The following ANO7 variants were observed in gnomAD, a reference collection of about 807,000 sequenced individuals.
ANO7 encodes anoctamin 7.
ANO7 carries 114 observed loss-of-function variants against 115.8 expected under a neutral mutation model. The observed-to-expected ratio is 0.98, with a 90% confidence interval of 0.85 to 1.15. The LOEUF (loss-of-function observed/expected upper bound fraction) is 1.15. Among genes scored for constraint, ANO7 ranks in the 50% most tolerant of loss-of-function variants. The pLI is 0.00. For synonymous variants in ANO7, 550 were observed against 498.2 expected, an observed-to-expected ratio of 1.10 and a Z score of -1.38; for missense variants, 1,302 against 1,201.2, an observed-to-expected ratio of 1.08 and a Z score of -1.24.
chr2:241,195,583 G>A, intron 3 of ANO7, 120 bp from the exon 4 acceptor site: 3 of 938,770 alleles, frequency 3.2e-6, no homozygotes, highest in Non-Finnish European at 4.8e-6. Context: ...GAAGGAACCG[G>A]CCCTGAGTGT....
the ANO7 span, chr2:241,236,516 C>A: frequency 1.0e-5 from 13 of 1,243,936 alleles, no homozygotes; most frequent in Middle Eastern, 2.2e-4. Flanking sequence ...CTGCCACTGC[C>A]GCTTGGGCAA....
At chr2:241,234,344 G>A in the ANO7 span, among the ~76,000 whole-genome samples, 1 of 152,178 alleles carries the variant, frequency 6.6e-6, no homozygotes, top group Non-Finnish European at 1.5e-5. Context: ...TAGGACTGGG[G>A]CAGATGCAGA....
chr2:241,207,968 G>A (rs1373896604), intron 11 of ANO7, among the ~76,000 whole-genome samples: 1 of 152,158 alleles, frequency 6.6e-6, no homozygotes, highest in Non-Finnish European at 1.5e-5. Context: ...TGGCTCCAAG[G>A]CGGACAAACC....
chr2:241,233,863 T>C, the ANO7 span: 1 of 1,614,220 alleles, frequency 6.2e-7, no homozygotes, highest in Non-Finnish European at 8.5e-7. The surrounding 1 kb of genome is among the most constrained non-coding windows in gnomAD (Gnocchi z 4.3). Context: ...GTTCACGTCA[T>C]GCTCCAACCG....
At chr2:241,212,506 A>G in intron 16 of ANO7, 66 bp from the exon 17 acceptor site, 1 of 1,540,808 alleles carries the variant, frequency 6.5e-7, no homozygotes, top group Non-Finnish European at 8.9e-7. Context: ...AGGCCTCCAG[A>G]GCCCAGGGAA....
downstream of ANO7, chr2:241,229,287 G>A (rs992119367): frequency 2.0e-5 from 6 of 302,216 alleles, no homozygotes; most frequent in Admixed American, 9.7e-5. Context: ...CCACGGCTGC[G>A]GAGCTCTCGT....
rs995464734 is a variant in ANO7 at position 241,188,851 on chromosome 2, C to A, written c.-8+85C>A. 1 of 1,516,896 alleles carries A rather than the reference C, an allele frequency of 6.6e-7. No individual in the cohort carries two copies. Among genetic ancestry groups the A allele is most frequent in the South Asian group, 1.3e-5 (1 of 79,008 alleles). The allele number at this position is 1,516,896 out of a possible 1,614,324, so 94.0% of individuals were successfully genotyped here. A position where few individuals can be genotyped will look rare whatever the true frequency, so the allele number is the denominator to read the frequency against. ...GAGGCAGGGCGGCACCCCAGCCCAC[C>A]GGGACTTTCACACACCCTGGCCTGT... On this transcript the variant is annotated intron_variant, in intron 1 of 24. Coordinates refer to ENST00000674324, the MANE Select transcript of ANO7 (RefSeq NM_001370694.2). The surrounding 1 kb of genome is among the most constrained non-coding windows in gnomAD (Gnocchi z 4.3).
At chr2:241,226,207 C>A (rs977323009), downstream of ANO7, among the ~76,000 whole-genome samples, 6 of 151,896 alleles carry the variant, frequency 4.0e-5, no homozygotes, top group Non-Finnish European at 8.8e-5. Flanking sequence ...GAGTAGCCAC[C>A]ACCTTAGCCA....
At chr2:241,223,079 T>G (rs551004941) in intron 21 of ANO7, 107 bp from the exon 22 acceptor site, 603 of 971,560 alleles carry the variant, frequency 6.2e-4, no homozygotes, top group Non-Finnish European at 7.6e-4. Context: ...GAACATGGGA[T>G]GAGAGAGCGA....
intron 3 of ANO7, among the ~76,000 whole-genome samples, chr2:241,194,772 T>A (rs1467787565): frequency 6.6e-6 from 1 of 152,258 alleles, no homozygotes; most frequent in Non-Finnish European, 1.5e-5. Context: ...GGAATGTATA[T>A]CATAGGTATG....
chr2:241,190,163 G>A lies in ANO7; in HGVS notation c.100G>A (p.Ala34Thr), dbSNP rs773907613. The part of the protein sequence containing the change: ...KRGSYGSTAH[A>T]SEPGGQQAAA... Reference sequence around the variant, plus strand: ...GGGCTCTTACGGGAGCACAGCCCACGCCTCGGAGGTAACAGCACCCAGGAG... The same window carrying A: ...GGGCTCTTACGGGAGCACAGCCCACACCTCGGAGGTAACAGCACCCAGGAG... The change falls in exon 2 of 25, where the codon GCC (alanine) becomes ACC (threonine). Residue 34 changes from alanine (A) to threonine (T), a missense_variant. Coordinates refer to ENST00000674324, the MANE Select transcript of ANO7 (RefSeq NM_001370694.2). The A allele has an allele frequency of 4.0e-5, 63 of 1,561,372 alleles. No individual in the cohort carries two copies. Among genetic ancestry groups the A allele is most frequent in the South Asian group, 2.0e-4 (17 of 84,676 alleles).
At chr2:241,229,784 G>GGGCCCCCCC, downstream of ANO7, 5 of 1,502,534 alleles carry the variant, frequency 3.3e-6, no homozygotes, top group Non-Finnish European at 4.6e-6. Flanking sequence ...AAGCCCGCCT[G>GGGCCCCCCC]CCCGCCCACC....
rs375741502 is a variant in ANO7, at chr2:241,204,653, G to T, written c.890-212G>T. Among the ~76,000 whole-genome samples, 11 of 152,224 alleles carry T rather than the reference G, an allele frequency of 7.2e-5. No individual in the cohort carries two copies. In the East Asian group the frequency reaches 1.2e-3, roughly 16 times the overall value. On this transcript the variant is annotated intron_variant, in intron 9 of 24. Transcript: ENST00000674324. Reference sequence around the variant, plus strand: ...CTGGTGTTGGGGTCAATGTGGTAGGGGTGTCCAGAGTCTAGGGCAGAGGCC... The same window carrying T: ...CTGGTGTTGGGGTCAATGTGGTAGGTGTGTCCAGAGTCTAGGGCAGAGGCC...
At chr2:241,207,728 T>C (rs1415710075) in intron 11 of ANO7, 58 bp downstream of exon 11, 1 of 1,511,568 alleles carries the variant, frequency 6.6e-7, no homozygotes, top group African/African-American at 1.4e-5. Flanking sequence ...GGAGGGCAGC[T>C]CCCCTTGTCC....
At chr2:241,236,586 G>A in the ANO7 span, 1 of 1,611,624 alleles carries the variant, frequency 6.2e-7, no homozygotes, top group Non-Finnish European at 8.5e-7. Flanking sequence ...GCCTTGGCGG[G>A]GGGTGGAGGG....
chr2:241,189,883 A>AG (rs2068149466), intron 1 of ANO7, among the ~76,000 whole-genome samples, 174 bp from the exon 2 acceptor site: 1 of 152,050 alleles, frequency 6.6e-6, no homozygotes, highest in Non-Finnish European at 1.5e-5. Context: ...GTGGCTGGCT[A>AG]GGGGGTTCTC....
At chr2:241,234,465 G>A in the ANO7 span, among the ~76,000 whole-genome samples, 1 of 152,218 alleles carries the variant, frequency 6.6e-6, no homozygotes, top group Non-Finnish European at 1.5e-5. Context: ...CTGACACCAT[G>A]TGAGGTTCAC....
chr2:241,240,185 CAA>C, the ANO7 span: 31 of 1,517,676 alleles, frequency 2.0e-5, no homozygotes, highest in Non-Finnish European at 8.2e-6. This position sits in a 1 kb window ranked among gnomAD's most constrained non-coding sequence, Gnocchi z 5.5. Context: ...GTGAGGAAGA[CAA>C]GAGGGTCTGT....
intron 4 of ANO7, chr2:241,196,046 T>A: frequency 1.4e-6 from 2 of 1,443,486 alleles, no homozygotes; most frequent in Non-Finnish European, 9.1e-7. Context: ...TAAACATTGA[T>A]CCCTCCTGCA....
Sources: gnomAD v4.1 joint callset for allele counts (sites outside exome capture counted in the v4.1 genomes callset) on GRCh38, gnomAD v4.1.1 for gene constraint, Gnocchi (gnomAD v3.1) non-coding constraint, MANE v1.5 for transcripts, NCBI Gene and HGNC (gene_info 2026-07-23, HGNC 2026-07-21) for gene names.